The following CTBP2 variants were observed in gnomAD, a reference collection of about 807,000 sequenced individuals.
CTBP2 encodes the protein C-terminal binding protein 2, also known as C-terminal-binding protein 2.
CTBP2 carries 30 observed loss-of-function variants against 80.3 expected under a neutral mutation model. The observed-to-expected ratio is 0.37, with a 90% confidence interval of 0.28 to 0.51. CTBP2 has a LOEUF of 0.51. CTBP2 is among the 20% of genes least tolerant of loss of function. The pLI, the probability that CTBP2 is intolerant of heterozygous loss-of-function variation, is 0.93. For missense variants in CTBP2, 1,212 were observed against 1,375.3 expected (o/e 0.88, Z 1.88); for synonymous variants, 594 against 587.4 (o/e 1.01, Z -0.16).
rs147335685 is a variant in CTBP2, at chr10:125,153,792, T to C, written c.-206+6527A>G. The stretch of plus-strand genomic sequence containing the variant: ...TCCACGGTCTAGGTCTTCGGTTCCT[T>C]CCAGAGAAACTTCCTCAGGTTCCAT... On this transcript the variant is annotated intron_variant, in intron 1 of 10. Coordinates refer to the CTBP2 transcript ENST00000337195. 5.3e-5 allele frequency among the ~76,000 whole-genome samples: 8 copies of C among 152,340 alleles called. No homozygotes were observed. The East Asian group carries it at 1.5e-3, about 29-fold the overall frequency.
At chr10:125,096,536 C>A (rs990183727) in intron 2 of CTBP2, among the ~76,000 whole-genome samples, 16 of 152,184 alleles carry the variant, frequency 1.1e-4, no homozygotes, top group Admixed American at 2.6e-4. Context: ...CCCTCCCTGC[C>A]GAAACAGTTA....
intron 1 of CTBP2, among the ~76,000 whole-genome samples, chr10:125,142,322 C>A (rs1353701172): frequency 1.2e-4 from 18 of 152,134 alleles, no homozygotes; most frequent in Admixed American, 1.2e-3. Context: ...GACCAGAGCA[C>A]CCCTGGGGCT....
chr10:125,102,623 G>GA (rs1431380347), intron 2 of CTBP2, among the ~76,000 whole-genome samples: 1 of 152,212 alleles, frequency 6.6e-6, no homozygotes, highest in Non-Finnish European at 1.5e-5. Flanking sequence ...TAATGAGGGA[G>GA]TGGCAGTGAG....
chr10:124,999,498 C>T (rs1334251010), intron 3 of CTBP2: 6 of 152,274 alleles, frequency 3.9e-5, no homozygotes, highest in Non-Finnish European at 7.3e-5. Flanking sequence ...GCTGTCTCCC[C>T]ACAAGGGCCA....
At chr10:125,040,001 T>C (rs75701286) in intron 2 of CTBP2, among the ~76,000 whole-genome samples, 2,171 of 152,272 alleles carry the variant, frequency 0.014, 60 homozygotes, top group African/African-American at 0.05. Flanking sequence ...GAAGAGGAGC[T>C]GCTGCCCATC....
chr10:125,076,452 T>A lies in CTBP2; in HGVS notation c.-102+34538A>T, dbSNP rs1216717268. Reference sequence around the variant, plus strand: ...TGGGTCCAGAAGATCTCCTCTAGGTTCAGTTCTGTCCAGGAACACTGTCAC... The same window carrying A: ...TGGGTCCAGAAGATCTCCTCTAGGTACAGTTCTGTCCAGGAACACTGTCAC... On this transcript the variant is annotated intron_variant, in intron 2 of 10. Coordinates refer to the CTBP2 transcript ENST00000337195. Among the ~76,000 whole-genome samples the A allele has an allele frequency of 3.9e-5, 6 of 152,152 alleles. No individual in the cohort carries two copies. In the East Asian group the frequency reaches 9.6e-4, roughly 24 times the overall value.
chr10:125,026,149 C>G lies in CTBP2; in HGVS notation c.1611G>C (p.Pro537=), dbSNP rs200607400. Reference sequence around the variant, plus strand: ...CTGTGCGCCGGGCCACCTTCTGGTACGGTGAGTGAGGCGTGTGGAGGCTCT... The same window carrying G: ...CTGTGCGCCGGGCCACCTTCTGGTAGGGTGAGTGAGGCGTGTGGAGGCTCT... The change falls in exon 1 of 9, where the codon CCG becomes CCC. Residue 537 remains proline, a synonymous_variant. Coordinates refer to ENST00000309035, the MANE Select transcript of CTBP2 (RefSeq NM_022802.3). 6.2e-7 allele frequency: 1 copy of G among 1,606,506 alleles called. No individual in the cohort carries two copies. The highest frequency in any genetic ancestry group is 8.5e-7 in the Non-Finnish European group (1 of 1,174,600).
intron 2 of CTBP2, among the ~76,000 whole-genome samples, chr10:125,102,050 C>T (rs181484737): frequency 6.6e-6 from 1 of 152,304 alleles, no homozygotes; most frequent in African/African-American, 2.4e-5. Flanking sequence ...AAGCTCTTAA[C>T]ATGTACCAGG....
chr10:124,984,624 A>G lies in CTBP2; in HGVS notation c.*4894T>C. On this transcript the variant is annotated 3_prime_UTR_variant, in exon 9 of 9. Transcript: ENST00000309035. ...CAGAGCAAACTGGACTTTAATCACA[A>G]AACTTCCAAGAGGTCAAAACCATGT... is the stretch of plus-strand genomic sequence containing the variant. 1.4e-6 allele frequency: 1 copy of G among 732,270 alleles called. No individual in the cohort carries two copies. Among genetic ancestry groups the G allele is most frequent in the Non-Finnish European group, 2.2e-6 (1 of 464,440 alleles). The allele number at this position is 732,270 out of a possible 1,614,324, so 45.4% of individuals were successfully genotyped here.
intron 1 of CTBP2, chr10:125,025,950 T>C: frequency 8.0e-7 from 1 of 1,244,620 alleles, no homozygotes. Flanking sequence ...GCTGCGTCCT[T>C]CTTGTTTGGT....
chr10:125,160,642 C>T (rs1861791608), upstream of CTBP2: 1 of 109,354 alleles, frequency 9.1e-6, no homozygotes, highest in Non-Finnish European at 1.9e-5. Flanking sequence ...CACCCTACCC[C>T]TCCCTTCCCT....
chr10:125,118,466 G>T (rs1180631981), intron 1 of CTBP2, among the ~76,000 whole-genome samples: 1 of 152,162 alleles, frequency 6.6e-6, no homozygotes, highest in Admixed American at 6.5e-5. Flanking sequence ...TGAAAGGGGG[G>T]AAGAAAAGTG....
chr10:125,086,492 G>A (rs1021557798), intron 2 of CTBP2, among the ~76,000 whole-genome samples: 2 of 151,980 alleles, frequency 1.3e-5, no homozygotes, highest in African/African-American at 2.4e-5. Context: ...GTAATCGGCT[G>A]TAATCCCAGC....
intron 2 of CTBP2, among the ~76,000 whole-genome samples, chr10:125,106,283 G>A (rs747291846): frequency 1.3e-5 from 2 of 152,146 alleles, no homozygotes; most frequent in African/African-American, 2.4e-5. Flanking sequence ...TGACAAACCT[G>A]AGAAAGCTTC....
At chr10:125,155,695 A>C (rs562196279) in intron 1 of CTBP2, among the ~76,000 whole-genome samples, 152 of 152,336 alleles carry the variant, frequency 1.0e-3, no homozygotes, top group African/African-American at 3.5e-3. Context: ...AAAAAAAAAA[A>C]AACTCTTTCA....
At position 125,115,460 on chromosome 10, in the gene CTBP2, AG is replaced by A. The variant is rs961322633; in HGVS notation, c.-205-4368del. ...AGCAAGAATTAATCCCAAGTTCCGC[AG>A]GCCAGCATCGGTGGCTGAGAAGTAG... On this transcript the variant is annotated intron_variant, in intron 1 of 10. Coordinates refer to the CTBP2 transcript ENST00000337195. 2.0e-5 allele frequency among the ~76,000 whole-genome samples: 3 copies of A among 152,232 alleles called. No homozygotes were observed. In the East Asian group the frequency reaches 5.8e-4, roughly 29 times the overall value.
At chr10:125,104,575 A>G (rs1454020677) in intron 2 of CTBP2, among the ~76,000 whole-genome samples, 1 of 152,196 alleles carries the variant, frequency 6.6e-6, no homozygotes, top group Admixed American at 6.5e-5. Context: ...CTCCTTACAC[A>G]GGAGTCCACT....
At chr10:125,010,078 C>A (rs187860306) in intron 1 of CTBP2, among the ~76,000 whole-genome samples, 34 of 152,218 alleles carry the variant, frequency 2.2e-4, no homozygotes, top group African/African-American at 7.7e-4. Flanking sequence ...GAGAAGACTG[C>A]GGGCAACAGG....
chr10:125,094,584 C>A (rs909346306), intron 2 of CTBP2, among the ~76,000 whole-genome samples: 2 of 152,218 alleles, frequency 1.3e-5, no homozygotes, highest in African/African-American at 4.8e-5. Flanking sequence ...ACCCCTTCAC[C>A]AGGGGCTCTC....
Sources: allele counts gnomAD v4.1 joint callset (sites outside exome capture counted in the v4.1 genomes callset), GRCh38; gene constraint gnomAD v4.1.1; transcripts MANE v1.5; gene names NCBI Gene and HGNC (gene_info 2026-07-23, HGNC 2026-07-21).